Variants in SLC22A3 observed in about 807,000 individuals in gnomAD.
SLC22A3 encodes the protein EMT organic cation transporter 3.
Under a neutral mutation model 59.1 loss-of-function variants are expected in SLC22A3, and 51 were observed. The ratio of observed to expected loss-of-function variants is 0.86; its 90% confidence interval spans 0.69 to 1.09. SLC22A3 has a LOEUF of 1.09. Ranked by LOEUF, SLC22A3 falls within the 50% of genes least tolerant of loss-of-function variation. The pLI is 0.00. For missense variants in SLC22A3, 711 were observed against 726.3 expected (o/e 0.98, Z 0.24); for synonymous variants, 325 against 292.0 (o/e 1.11, Z -1.15).
intron 1 of SLC22A3, among the ~76,000 whole-genome samples, chr6:160,361,699 A>G (rs977963389): frequency 2.0e-5 from 3 of 152,236 alleles, no homozygotes; most frequent in Admixed American, 6.5e-5. Flanking sequence ...GAGCTGCAGG[A>G]TAGGAGACTT....
chr6:160,361,059 A>G (rs1049370806), intron 1 of SLC22A3, among the ~76,000 whole-genome samples: 5 of 152,338 alleles, frequency 3.3e-5, no homozygotes, highest in African/African-American at 4.8e-5. Flanking sequence ...AGAACAGACA[A>G]GTGGACCAGT....
chr6:160,384,434 A>T (rs912231229), intron 1 of SLC22A3, among the ~76,000 whole-genome samples: 1 of 152,192 alleles, frequency 6.6e-6, no homozygotes, highest in Non-Finnish European at 1.5e-5. Context: ...ATAAATATAG[A>T]CAATAATTGA....
intron 1 of SLC22A3, among the ~76,000 whole-genome samples, chr6:160,389,704 G>A (rs1786172493): frequency 6.6e-6 from 1 of 152,192 alleles, no homozygotes; most frequent in Non-Finnish European, 1.5e-5. Context: ...TGCAATTTCA[G>A]CTCTTAACTC....
At chr6:160,416,938 G>A (rs1057356817) in intron 5 of SLC22A3, among the ~76,000 whole-genome samples, 1 of 152,334 alleles carries the variant, frequency 6.6e-6, no homozygotes. Context: ...CACACTTCTG[G>A]TGGTAGTAGA....
chr6:160,385,611 G>A (rs779111138), intron 1 of SLC22A3, among the ~76,000 whole-genome samples: 7 of 152,290 alleles, frequency 4.6e-5, no homozygotes, highest in African/African-American at 1.2e-4. Context: ...CCTACTGTGC[G>A]CAGCTGGACC....
intron 1 of SLC22A3, among the ~76,000 whole-genome samples, chr6:160,389,568 T>C (rs1004131110): frequency 6.6e-6 from 1 of 152,152 alleles, no homozygotes; most frequent in African/African-American, 2.4e-5. Flanking sequence ...GCGTGGCATG[T>C]CCACTTGACT....
chr6:160,384,293 A>G (rs1482356642), intron 1 of SLC22A3, among the ~76,000 whole-genome samples: 1 of 152,214 alleles, frequency 6.6e-6, no homozygotes, highest in African/African-American at 2.4e-5. Flanking sequence ...ATGAATCACC[A>G]GATTATGGTC....
chr6:160,395,948 T>C (rs1385702303), intron 1 of SLC22A3, among the ~76,000 whole-genome samples: 4 of 152,202 alleles, frequency 2.6e-5, no homozygotes, highest in Non-Finnish European at 5.9e-5. Flanking sequence ...TCTAATGCAG[T>C]GGTTAGACTG....
At chr6:160,421,489 G>A (rs1472433649) in intron 5 of SLC22A3, among the ~76,000 whole-genome samples, 1 of 152,162 alleles carries the variant, frequency 6.6e-6, no homozygotes, top group Non-Finnish European at 1.5e-5. Flanking sequence ...CAAAGGCTGA[G>A]CTTCCCCTTG....
intron 1 of SLC22A3, among the ~76,000 whole-genome samples, chr6:160,369,548 T>G (rs2114770275): frequency 6.6e-6 from 1 of 152,346 alleles, no homozygotes; most frequent in African/African-American, 2.4e-5. Flanking sequence ...TTAGAATTAT[T>G]TTTTAGCATT....
chr6:160,418,292 G>C (rs1787588565), intron 5 of SLC22A3, among the ~76,000 whole-genome samples: 1 of 152,156 alleles, frequency 6.6e-6, no homozygotes, highest in South Asian at 2.1e-4. Context: ...TCCTGCCCCT[G>C]GACATCAGAC....
At chr6:160,416,284 G>A (rs1787486610) in intron 5 of SLC22A3, among the ~76,000 whole-genome samples, 1 of 152,070 alleles carries the variant, frequency 6.6e-6, no homozygotes, top group African/African-American at 2.4e-5. Flanking sequence ...AAAAACCAAT[G>A]CAAAACAGTG....
chr6:160,442,511 C>T (rs1788584960), intron 7 of SLC22A3, among the ~76,000 whole-genome samples: 1 of 152,146 alleles, frequency 6.6e-6, no homozygotes, highest in Non-Finnish European at 1.5e-5. Context: ...GCTCAACAAA[C>T]GGTTCTTGAA....
intron 1 of SLC22A3, among the ~76,000 whole-genome samples, chr6:160,374,487 T>A (rs902234997): frequency 6.6e-6 from 1 of 152,196 alleles, no homozygotes; most frequent in Non-Finnish European, 1.5e-5. Flanking sequence ...TTTGAATGGA[T>A]GAATGAATAA....
At chr6:160,356,546 G>A (rs1784847423) in intron 1 of SLC22A3, among the ~76,000 whole-genome samples, 1 of 152,218 alleles carries the variant, frequency 6.6e-6, no homozygotes, top group Non-Finnish European at 1.5e-5. Context: ...CAGGTGCAAG[G>A]CCCGGTGCAG....
rs1277855911 is a variant in SLC22A3 at position 160,452,052 on chromosome 6, C to T, written c.*996C>T. ...ATTTAAAAGAAAGATCAATTATATC[C>T]ATGCTTAACAGGATCAGCAGGAGCT... On this transcript the variant is annotated 3_prime_UTR_variant, in exon 11 of 11. Transcript: ENST00000275300. 6.6e-6 allele frequency: 1 copy of T among 152,152 alleles called. No homozygotes were observed. Among genetic ancestry groups the T allele is most frequent in the African/African-American group, 2.4e-5 (1 of 41,428 alleles). 9.4% of individuals were successfully genotyped at this position (152,152 alleles called of 1,614,324 possible).
chr6:160,389,458 T>G (rs988314517), intron 1 of SLC22A3, among the ~76,000 whole-genome samples: 6 of 152,162 alleles, frequency 3.9e-5, no homozygotes, highest in Non-Finnish European at 7.4e-5. Flanking sequence ...GTTCTGTTCT[T>G]GTTCACAGTG....
chr6:160,391,402 T>C (rs1786251607), intron 1 of SLC22A3, among the ~76,000 whole-genome samples: 1 of 152,172 alleles, frequency 6.6e-6, no homozygotes, highest in Non-Finnish European at 1.5e-5. Flanking sequence ...TATAATGCAA[T>C]TGGTAACATT....
Position 160,352,536 on chromosome 6 carries a change from A to G in SLC22A3, c.429+3688A>G, listed in dbSNP as rs929231294. Among the ~76,000 whole-genome samples, 4 of 152,316 alleles carry G rather than the reference A, an allele frequency of 2.6e-5. No homozygotes were observed. The East Asian group carries it at 7.7e-4, about 29-fold the overall frequency. On this transcript the variant is annotated intron_variant, in intron 1 of 10. Coordinates refer to ENST00000275300, the MANE Select transcript of SLC22A3 (RefSeq NM_021977.4). ...GATGAAAAAAAAAGAGCTTTTCCCTAGGCTATCACTCAGAGCAGGGCTTCA... is the reference window on the plus strand; with the variant it reads ...GATGAAAAAAAAAGAGCTTTTCCCTGGGCTATCACTCAGAGCAGGGCTTCA...
Sources: allele counts gnomAD v4.1 joint callset (sites outside exome capture counted in the v4.1 genomes callset), GRCh38; gene constraint gnomAD v4.1.1; transcripts MANE v1.5; gene names NCBI Gene and HGNC (gene_info 2026-07-23, HGNC 2026-07-21).